HIBCH: variants seen among roughly 807,000 people sequenced by gnomAD.
HIBCH encodes the protein 3-hydroxyisobutyryl-CoA hydrolase.
A neutral mutation model predicts 58.2 loss-of-function variants in HIBCH; 50 were observed. That is an observed-to-expected ratio of 0.86 (90% CI 0.68 to 1.09). The LOEUF (loss-of-function observed/expected upper bound fraction) is 1.09, where lower values mean the gene tolerates loss of function less well. HIBCH is among the 50% of genes least tolerant of loss of function. HIBCH has a pLI of 0.00. For synonymous variants in HIBCH, 151 were observed against 146.9 expected (o/e 1.03, Z -0.20); for missense variants, 450 against 449.7 (o/e 1.00, Z -0.01).
chr2:190,201,423 T>C (rs190897159), downstream of HIBCH: 85 of 167,144 alleles, frequency 5.1e-4, no homozygotes, highest in African/African-American at 8.4e-4. Context: ...TTGGTAGACA[T>C]TGAGTTTAAA....
rs1411831253 is a variant in HIBCH at position 190,209,319 on chromosome 2, C to T, written c.1012-406G>A. 6.6e-6 allele frequency among the ~76,000 whole-genome samples: 1 copy of T among 152,128 alleles called. No homozygotes were observed. Among genetic ancestry groups the T allele is most frequent in the East Asian group, 1.9e-4 (1 of 5,194 alleles). On this transcript the variant is annotated intron_variant, in intron 12 of 13. Coordinates refer to ENST00000359678, the MANE Select transcript of HIBCH (RefSeq NM_014362.4). This position sits in a 1 kb window ranked among gnomAD's most constrained non-coding sequence, Gnocchi z 5.6. Reference sequence around the variant, plus strand: ...GGCACCAACTAAACCCTATCACGTACCCCTGCCTGCACTTCAGCAGCTAAG... The same window carrying T: ...GGCACCAACTAAACCCTATCACGTATCCCTGCCTGCACTTCAGCAGCTAAG...
At chr2:190,318,435 C>T (rs1045502644) in intron 1 of HIBCH, among the ~76,000 whole-genome samples, 4 of 152,148 alleles carry the variant, frequency 2.6e-5, no homozygotes, top group Non-Finnish European at 4.4e-5. Flanking sequence ...TTCCGTGGCA[C>T]CCTATTCCCT....
intron 9 of HIBCH, among the ~76,000 whole-genome samples, chr2:190,249,093 C>T (rs2582757): frequency 0.31 from 46,775 of 151,566 alleles, 8,211 homozygotes; most frequent in African/African-American, 0.46. Flanking sequence ...TCTCCTCTTC[C>T]GTTCTACTTG....
chr2:190,265,118 G>A (rs1039833301), intron 6 of HIBCH, among the ~76,000 whole-genome samples: 1 of 78,292 alleles, frequency 1.3e-5, no homozygotes, highest in Non-Finnish European at 2.0e-5. Context: ...GCAAGACTCC[G>A]TCTCAAAAAA....
Position 190,309,085 on chromosome 2 carries a change from G to C in HIBCH, c.78+1669C>G, listed in dbSNP as rs931833373. Among the ~76,000 whole-genome samples, 113 of 152,082 alleles carry C rather than the reference G, an allele frequency of 7.4e-4. 1 individual carries two copies. The highest frequency in any genetic ancestry group is 2.1e-4 in the Non-Finnish European group (14 of 68,024). On this transcript the variant is annotated intron_variant, in intron 2 of 13. Transcript: ENST00000359678. ...CTAAATACTTCATAAAACACCCCAA[G>C]AGAAGTCTAGGTCCTTGTAATACTT... is the stretch of plus-strand genomic sequence containing the variant.
intron 6 of HIBCH, among the ~76,000 whole-genome samples, chr2:190,268,925 C>T (rs1156339349): frequency 1.3e-5 from 2 of 152,136 alleles, no homozygotes; most frequent in Non-Finnish European, 2.9e-5. Flanking sequence ...AGAAATAACA[C>T]CACATATCTA....
chr2:190,267,625 G>C (rs1219283391), intron 6 of HIBCH, among the ~76,000 whole-genome samples: 2 of 152,032 alleles, frequency 1.3e-5, no homozygotes, highest in Non-Finnish European at 2.9e-5. Flanking sequence ...AACTCATTAA[G>C]TAATTCAGCT....
At chr2:190,225,456 G>A (rs917946060) in intron 11 of HIBCH, among the ~76,000 whole-genome samples, 39 of 152,160 alleles carry the variant, frequency 2.6e-4, no homozygotes, top group Non-Finnish European at 4.7e-4. Flanking sequence ...CGATCCCACA[G>A]AAATACAAAC....
chr2:190,203,822 T>C (rs1369934564), downstream of HIBCH: 1 of 152,144 alleles, frequency 6.6e-6, no homozygotes, highest in African/African-American at 2.4e-5. Flanking sequence ...GTGCAGGACA[T>C]GATCTTTAAT....
chr2:190,238,721 C>T (rs567324020), intron 11 of HIBCH, among the ~76,000 whole-genome samples: 1 of 152,244 alleles, frequency 6.6e-6, no homozygotes, highest in Non-Finnish European at 1.5e-5. Flanking sequence ...CTGTGGCCCC[C>T]CAAAGTGCTG....
At chr2:190,248,908 T>G (rs765234497) in intron 9 of HIBCH, among the ~76,000 whole-genome samples, 9 of 151,782 alleles carry the variant, frequency 5.9e-5, no homozygotes, top group Non-Finnish European at 1.0e-4. Flanking sequence ...AATCCTCCTG[T>G]TTTTCTGCCC....
rs1437145588 is a variant in HIBCH at position 190,315,214 on chromosome 2, G to A, written c.36-4418C>T. ...GATCCGCCCGCCTCAGCCTCCCAAA[G>A]TGCTGAAATTACAGGCATGAGCCAC... is the stretch of plus-strand genomic sequence containing the variant. On this transcript the variant is annotated intron_variant, in intron 1 of 13. Coordinates refer to ENST00000359678, the MANE Select transcript of HIBCH (RefSeq NM_014362.4). The surrounding 1 kb of genome is among the most constrained non-coding windows in gnomAD (Gnocchi z 5.4). Among the ~76,000 whole-genome samples the A allele has an allele frequency of 1.3e-5, 2 of 152,132 alleles. No individual in the cohort carries two copies. The highest frequency in any genetic ancestry group is 4.8e-5 in the African/African-American group (2 of 41,450).
chr2:190,246,709 T>G (rs571602865), intron 9 of HIBCH, among the ~76,000 whole-genome samples: 19 of 152,318 alleles, frequency 1.2e-4, no homozygotes, highest in Non-Finnish European at 2.1e-4. Context: ...GCTAGCATGT[T>G]TATAGTTCTA....
intron 6 of HIBCH, among the ~76,000 whole-genome samples, chr2:190,266,527 G>A (rs1687241087): frequency 6.6e-6 from 1 of 152,038 alleles, no homozygotes; most frequent in Admixed American, 6.6e-5. Context: ...TCAGTCTCCT[G>A]GGCTCAAGTG....
intron 5 of HIBCH, among the ~76,000 whole-genome samples, chr2:190,287,854 T>G (rs1342565049): frequency 6.6e-6 from 1 of 152,092 alleles, no homozygotes; most frequent in African/African-American, 2.4e-5. Context: ...AACTTAACCT[T>G]CGATTTTAAA....
chr2:190,190,884 T>C lies in HIBCH; in HGVS notation c.*18-887A>G, dbSNP rs1238849172. On this transcript the variant is annotated intron_variant, in intron 1 of 1. Coordinates refer to the HIBCH transcript ENST00000399855. ...CCACCACCACAATCGGGATAAAGAA[T>C]AGTTACATCACTCCAAAAAAGGTCC... Among the ~76,000 whole-genome samples the C allele has an allele frequency of 3.3e-5, 5 of 152,310 alleles. No homozygotes were observed. In the East Asian group the frequency reaches 7.7e-4, roughly 23 times the overall value.
At position 190,304,578 on chromosome 2, in the gene HIBCH, T is replaced by A. The variant is rs985870307; in HGVS notation, c.78+6176A>T. Among the ~76,000 whole-genome samples, 1 of 152,162 alleles carries A rather than the reference T, an allele frequency of 6.6e-6. No individual in the cohort carries two copies. The highest frequency in any genetic ancestry group is 2.4e-5 in the African/African-American group (1 of 41,438). On this transcript the variant is annotated intron_variant, in intron 2 of 13. Transcript: ENST00000359678. The surrounding 1 kb of genome is among the most constrained non-coding windows in gnomAD (Gnocchi z 4.1). ...CCACACTGGGGGTTAAATTTCGAAA[T>A]GAGTTTTGGAGCGGGCAAATATTCA... is the stretch of plus-strand genomic sequence containing the variant.
At chr2:190,313,643 C>CAAAAAAAA (rs546101154) in intron 1 of HIBCH, among the ~76,000 whole-genome samples, 3 of 78,886 alleles carry the variant, frequency 3.8e-5, no homozygotes, top group African/African-American at 5.0e-5. Context: ...CTCTGTCTCA[C>CAAAAAAAA]AAAAAAAAAA....
chr2:190,208,536 G>T (rs1197995340), intron 13 of HIBCH: 1 of 338,822 alleles, frequency 3.0e-6, no homozygotes, highest in East Asian at 7.7e-5. Context: ...TCATATCCCA[G>T]ATGGTAACAT....
Sources: gnomAD v4.1 joint callset for allele counts (sites outside exome capture counted in the v4.1 genomes callset) on GRCh38, gnomAD v4.1.1 for gene constraint, Gnocchi (gnomAD v3.1) non-coding constraint, MANE v1.5 for transcripts, NCBI Gene and HGNC (gene_info 2026-07-23, HGNC 2026-07-21) for gene names.